The following SLC17A9 variants were observed in gnomAD, a reference collection of about 807,000 sequenced individuals.
SLC17A9 encodes solute carrier family 17 member 9.
SLC17A9 carries 49 observed loss-of-function variants against 55.0 expected under a neutral mutation model. The observed-to-expected ratio is 0.89, with a 90% confidence interval of 0.71 to 1.13. The LOEUF (loss-of-function observed/expected upper bound fraction) is 1.13, where lower values mean the gene tolerates loss of function less well. Among genes scored for constraint, SLC17A9 ranks in the 50% most tolerant of loss-of-function variants. The pLI, the probability that SLC17A9 is intolerant of heterozygous loss-of-function variation, is 0.00. For synonymous variants in SLC17A9, 256 were observed against 247.4 expected, an observed-to-expected ratio of 1.03 and a Z score of -0.32; for missense variants, 526 against 569.3, an observed-to-expected ratio of 0.92 and a Z score of 0.77.
At chr20:62,952,984 G>A (rs2065503922) in intron 1 of SLC17A9, 95 bp downstream of exon 1, 2 of 1,362,614 alleles carry the variant, frequency 1.5e-6, no homozygotes, top group Admixed American at 2.3e-5. Flanking sequence ...ATGCTAGGTG[G>A]GGAGGGCTGA....
rs2065598562 is a variant in SLC17A9 at position 62,962,640 on chromosome 20, G to A, written c.514G>A (p.Ala172Thr). The change falls in exon 5 of 13, where the codon GCG becomes ACG. Residue 172 changes from alanine to threonine, a missense_variant. By Grantham distance (58) the Ala-to-Thr change is moderately conservative. Transcript: ENST00000370351. The surrounding 1 kb of genome is among the most constrained non-coding windows in gnomAD (Gnocchi z 5.5). ...GSQFGTLLTGAVGSLLLEWYG... is the reference protein window; with the variant it reads ...GSQFGTLLTGTVGSLLLEWYG... The stretch of plus-strand genomic sequence containing the variant: ...TCTTTGCAGGACGCTGCTGACCGGG[G>A]CGGTGGGCTCCCTGCTCCTGGAATG... 6.2e-7 allele frequency: 1 copy of A among 1,613,916 alleles called. No homozygotes were observed. The highest frequency in any genetic ancestry group is 1.3e-5 in the African/African-American group (1 of 74,948).
chr20:62,964,859 G>A (rs1354874749), intron 8 of SLC17A9: 8 of 525,290 alleles, frequency 1.5e-5, no homozygotes, highest in South Asian at 1.2e-4. Flanking sequence ...GGGGCCGCTC[G>A]CCTGTTTCCG....
At chr20:62,960,713 T>G (rs951451079) in intron 4 of SLC17A9, 110 bp downstream of exon 4, 24 of 1,061,942 alleles carry the variant, frequency 2.3e-5, no homozygotes, top group Non-Finnish European at 3.2e-5. Flanking sequence ...AGGGCCACCA[T>G]GGTGAGGTGG....
intron 1 of SLC17A9, 119 bp from the exon 2 acceptor site, chr20:62,956,646 C>T: frequency 1.1e-6 from 1 of 941,114 alleles, no homozygotes; most frequent in Non-Finnish European, 1.6e-6. Context: ...TGCCCTCCAT[C>T]AAAGCTGTCC....
At position 62,952,735 on chromosome 20, in the gene SLC17A9, G is replaced by T; in HGVS notation, c.-96G>T. On this transcript the variant is annotated 5_prime_UTR_variant, in exon 1 of 13. Coordinates refer to ENST00000370351, the MANE Select transcript of SLC17A9 (RefSeq NM_022082.4). ...GACGGAAGCGCGCTGGGACTGACACGTGGACTTGGGCGGTGCTGCCCGGGT... is the reference window on the plus strand; with the variant it reads ...GACGGAAGCGCGCTGGGACTGACACTTGGACTTGGGCGGTGCTGCCCGGGT... The T allele has an allele frequency of 2.3e-6, 3 of 1,290,402 alleles. No homozygotes were observed. The highest frequency in any genetic ancestry group is 1.4e-5 in the South Asian group (1 of 69,022). 79.9% of individuals were successfully genotyped at this position (1,290,402 alleles called of 1,614,324 possible).
chr20:62,963,571 T>C lies in SLC17A9; in HGVS notation c.726-13T>C, dbSNP rs566871152. The stretch of plus-strand genomic sequence containing the variant: ...GCGGCACCAGAGTCACGGTCCACCA[T>C]TGGGCCCCGCAGGGCAGCCGTCGTC... On this transcript the variant is annotated splice_polypyrimidine_tract_variant and intron_variant, in intron 6 of 12. Transcript: ENST00000370351. The C allele has an allele frequency of 5.0e-5, 79 of 1,583,548 alleles. No individual in the cohort carries two copies. The highest frequency in any genetic ancestry group is 6.1e-5 in the Non-Finnish European group (71 of 1,164,636).
chr20:62,960,394 C>A, intron 3 of SLC17A9, 110 bp from the exon 4 acceptor site: 2 of 991,354 alleles, frequency 2.0e-6, no homozygotes, highest in African/African-American at 1.6e-5. Context: ...GGGAGGTGAG[C>A]TAGAGGGACA....
At position 62,965,129 on chromosome 20, in the gene SLC17A9, T is replaced by C; in HGVS notation, c.911-3T>C. ...GAGCCCCTTCCTTGGCCTCCCCCTG[T>C]AGGTTACAGAGCCATCACGGTGCGG... On this transcript the variant is annotated splice_polypyrimidine_tract_variant and splice_region_variant and intron_variant, in intron 8 of 12. Coordinates refer to ENST00000370351, the MANE Select transcript of SLC17A9 (RefSeq NM_022082.4). 1 of 1,614,040 alleles carries C rather than the reference T, an allele frequency of 6.2e-7. No homozygotes were observed. The highest frequency in any genetic ancestry group is 8.5e-7 in the Non-Finnish European group (1 of 1,180,008).
At chr20:62,960,446 A>C in intron 3 of SLC17A9, 58 bp from the exon 4 acceptor site, 1 of 1,516,636 alleles carries the variant, frequency 6.6e-7, no homozygotes, top group Admixed American at 1.9e-5. Context: ...CTGAGCAGAT[A>C]GGCCGGGAGG....
rs1282627832 is a variant in SLC17A9 at position 62,958,421 on chromosome 20, T to TG, written c.397+848dup. Among the ~76,000 whole-genome samples, 1 of 142,674 alleles carries TG rather than the reference T, an allele frequency of 7.0e-6. No individual in the cohort carries two copies. The highest frequency in any genetic ancestry group is 2.5e-4 in the South Asian group (1 of 4,048). 93.6% of individuals were successfully genotyped at this position (142,674 alleles called of 152,430 possible). A position where few individuals can be genotyped will look rare whatever the true frequency, so the allele number is the denominator to read the frequency against. On this transcript the variant is annotated intron_variant, in intron 3 of 12. Transcript: ENST00000370351. The surrounding 1 kb of genome is among the most constrained non-coding windows in gnomAD (Gnocchi z 4.1). ...TTAACTGTCAGGAGAACAAGGTGGGTGGGGGGGCCAAGGGGGCTTTGAGGG... is the reference window on the plus strand; with the variant it reads ...TTAACTGTCAGGAGAACAAGGTGGGTGGGGGGGGCCAAGGGGGCTTTGAGGG...
Position 62,963,298 on chromosome 20 carries a change from G to A in SLC17A9, c.654G>A (p.Leu218=), listed in dbSNP as rs1449728995. ...EKDLILALGV[L]AQSRPVSRHN... ...ATCTCATCCTGGCCTTGGGTGTCCT[G>A]GCCCAAAGCCGGCCGGTGTCCAGGC... The change falls in exon 6 of 13, where the codon CTG becomes CTA. Residue 218 remains leucine (L), a synonymous_variant. Transcript: ENST00000370351. The A allele has an allele frequency of 3.7e-6, 6 of 1,613,830 alleles. No homozygotes were observed. In the Middle Eastern group the frequency reaches 4.9e-4, roughly 133 times the overall value.
rs943232060 is a variant in SLC17A9 at position 62,969,464 on chromosome 20, C to T, written c.*1964C>T. On this transcript the variant is annotated 3_prime_UTR_variant, in exon 13 of 13. Coordinates refer to ENST00000370351, the MANE Select transcript of SLC17A9 (RefSeq NM_022082.4). ...TCTGGGACCAGTGCCAGTGGGCGCA[C>T]GCTGGGTTTGCCTACGTCTGGCTTA... 2 of 152,128 alleles carry T rather than the reference C, an allele frequency of 1.3e-5. No individual in the cohort carries two copies. Among genetic ancestry groups the T allele is most frequent in the Admixed American group, 6.6e-5 (1 of 15,266 alleles). 9.4% of individuals were successfully genotyped at this position (152,128 alleles called of 1,614,324 possible).
intron 1 of SLC17A9, among the ~76,000 whole-genome samples, chr20:62,954,989 C>A (rs1010714882): frequency 1.3e-5 from 2 of 152,168 alleles, no homozygotes; most frequent in African/African-American, 2.4e-5. Context: ...AAGACAGAGT[C>A]TCTCTCTGTT....
At chr20:62,954,108 G>A (rs2065515085) in intron 1 of SLC17A9, among the ~76,000 whole-genome samples, 1 of 118,160 alleles carries the variant, frequency 8.5e-6, no homozygotes, top group Non-Finnish European at 1.8e-5. Flanking sequence ...CAGGCTCGAT[G>A]TTTAAAAAGG....
At chr20:62,963,533 C>T in intron 6 of SLC17A9, 51 bp from the exon 7 acceptor site, 1 of 1,553,954 alleles carries the variant, frequency 6.4e-7, no homozygotes, top group African/African-American at 1.4e-5. Context: ...TCCCACAGGC[C>T]CGGCCAGCTC....
At chr20:62,960,028 TGTGTCTGTGCACGCATGCGGCAG>T (rs1370294932) in intron 3 of SLC17A9, among the ~76,000 whole-genome samples, 2 of 152,228 alleles carry the variant, frequency 1.3e-5, no homozygotes, top group East Asian at 1.9e-4. Context: ...GGGGGAAGTA[TGTGTCTGTGCACGCATGCGGCAG>T]GTGTCTGTGC....
In SLC17A9 at chr20:62,952,898, G is replaced by T; in HGVS notation, c.59+9G>T. The T allele has an allele frequency of 6.8e-7, 1 of 1,477,136 alleles. No homozygotes were observed. Among genetic ancestry groups the T allele is most frequent in the South Asian group, 1.3e-5 (1 of 77,080 alleles). 91.5% of individuals were successfully genotyped at this position (1,477,136 alleles called of 1,614,324 possible). ...GACACCCAGTGGTCCAGGTGTGGCG[G>T]GGGTGAGGGGAGGGGGGGTGGGAGC... On this transcript the variant is annotated intron_variant, in intron 1 of 12. Coordinates refer to ENST00000370351, the MANE Select transcript of SLC17A9 (RefSeq NM_022082.4).
chr20:62,953,200 C>A (rs1055989094), intron 1 of SLC17A9: 2 of 1,550,400 alleles, frequency 1.3e-6, no homozygotes, highest in Admixed American at 2.0e-5. Context: ...AGGAGGCATA[C>A]CCCTCGCCAG....
At chr20:62,964,398 G>A (rs2065617005) in intron 8 of SLC17A9, 83 bp downstream of exon 8, 2 of 1,359,726 alleles carry the variant, frequency 1.5e-6, no homozygotes, top group Non-Finnish European at 2.1e-6. Flanking sequence ...CCCATCCTGG[G>A]GCTGCAGCTT....
Sources: gnomAD v4.1 joint callset for allele counts (sites outside exome capture counted in the v4.1 genomes callset) on GRCh38, gnomAD v4.1.1 for gene constraint, Gnocchi (gnomAD v3.1) non-coding constraint, MANE v1.5 for transcripts, NCBI Gene and HGNC (gene_info 2026-07-23, HGNC 2026-07-21) for gene names.